Variants in ALG5 observed in about 807,000 individuals in gnomAD.
The protein encoded by ALG5 is ALG5 dolichyl-phosphate beta-glucosyltransferase.
A neutral mutation model predicts 51.8 loss-of-function variants in ALG5; 26 were observed. The ratio of observed to expected loss-of-function variants is 0.50; its 90% CI spans 0.37 to 0.70. The LOEUF (loss-of-function observed/expected upper bound fraction) is 0.70. Among genes scored for constraint, ALG5 ranks in the 30% least tolerant of loss-of-function variants. ALG5 has a pLI of 0.00. For synonymous variants in ALG5, 141 were observed against 136.1 expected (o/e 1.04, Z -0.25); for missense variants, 311 against 399.3 (o/e 0.78, Z 1.88).
chr13:36,979,599 C>G (rs559686059), intron 6 of ALG5, among the ~76,000 whole-genome samples: 12 of 152,306 alleles, frequency 7.9e-5, no homozygotes, highest in Non-Finnish European at 1.5e-4. Context: ...TAGTAAGCAA[C>G]CCAGCACTCC....
chr13:36,963,977 T>C (rs2058880323), intron 8 of ALG5, among the ~76,000 whole-genome samples: 1 of 152,160 alleles, frequency 6.6e-6, no homozygotes, highest in Admixed American at 6.5e-5. Context: ...ATAAGTAAAA[T>C]TAAATGTGAC....
chr13:36,953,634 A>G (rs1334540295), intron 8 of ALG5, among the ~76,000 whole-genome samples: 1 of 152,210 alleles, frequency 6.6e-6, no homozygotes, highest in African/African-American at 2.4e-5. Context: ...AATACAGACA[A>G]GAAAATGCCT....
intron 3 of ALG5, among the ~76,000 whole-genome samples, chr13:36,994,092 A>C (rs1321769987): frequency 6.6e-6 from 1 of 152,136 alleles, no homozygotes; most frequent in African/African-American, 2.4e-5. Context: ...TTTTGGGCCT[A>C]TTTTCTGATT....
intron 8 of ALG5, among the ~76,000 whole-genome samples, chr13:36,958,861 G>A (rs993853738): frequency 2.0e-5 from 3 of 152,166 alleles, no homozygotes; most frequent in African/African-American, 2.4e-5. Context: ...GAGAGCACAG[G>A]GGGAGGGACA....
chr13:36,952,160 T>TA (rs1007838575), intron 9 of ALG5, among the ~76,000 whole-genome samples: 4 of 152,042 alleles, frequency 2.6e-5, no homozygotes, highest in Admixed American at 6.6e-5. Flanking sequence ...CACCTAGTGA[T>TA]AAAAAAAATA....
chr13:36,956,644 G>T (rs1415150260), intron 8 of ALG5, among the ~76,000 whole-genome samples: 1 of 152,148 alleles, frequency 6.6e-6, no homozygotes, highest in East Asian at 1.9e-4. Flanking sequence ...ATATTATTCA[G>T]CCTTGGGCAA....
intron 7 of ALG5, among the ~76,000 whole-genome samples, chr13:36,967,222 CAAA>C (rs1370057490): frequency 4.7e-5 from 3 of 64,174 alleles, no homozygotes; most frequent in Admixed American, 1.8e-4. Context: ...GACTCCAACT[CAAA>C]AAAAAAAAAA....
chr13:36,962,139 T>G (rs1326328586), intron 8 of ALG5, among the ~76,000 whole-genome samples: 3 of 152,166 alleles, frequency 2.0e-5, no homozygotes, highest in African/African-American at 7.2e-5. Context: ...TTCTAGTACC[T>G]AGAAACTCTA....
At chr13:36,950,097 A>T in intron 9 of ALG5, 40 bp from the exon 10 acceptor site, 1 of 1,293,400 alleles carries the variant, frequency 7.7e-7, no homozygotes, top group Non-Finnish European at 1.1e-6. Context: ...TAGCTTAAAT[A>T]AACTCAGCAG....
intron 8 of ALG5, among the ~76,000 whole-genome samples, chr13:36,964,793 C>T (rs1441461079): frequency 1.3e-5 from 2 of 151,980 alleles, no homozygotes; most frequent in African/African-American, 2.4e-5. Flanking sequence ...GGTGTGGTAG[C>T]GCCCACCTGT....
intron 9 of ALG5, 101 bp downstream of exon 9, chr13:36,952,413 G>T: frequency 5.2e-6 from 4 of 765,178 alleles, no homozygotes; most frequent in Non-Finnish European, 8.6e-6. Context: ...AGCTGAGAAG[G>T]GCTTGATGAG....
chr13:36,953,902 T>A (rs1280819612), intron 8 of ALG5, among the ~76,000 whole-genome samples: 1 of 152,142 alleles, frequency 6.6e-6, no homozygotes, highest in Non-Finnish European at 1.5e-5. Context: ...AAAAACAAAA[T>A]ATTAGCTAGT....
At chr13:36,998,578 C>G (rs2059063139) in intron 1 of ALG5, among the ~76,000 whole-genome samples, 1 of 152,310 alleles carries the variant, frequency 6.6e-6, no homozygotes, top group East Asian at 1.9e-4. Context: ...AGAGCAAGGG[C>G]AAAGACAATC....
intron 7 of ALG5, among the ~76,000 whole-genome samples, chr13:36,968,719 T>G (rs1456434551): frequency 6.6e-6 from 1 of 152,254 alleles, no homozygotes; most frequent in Non-Finnish European, 1.5e-5. Context: ...TTAGTTCTTT[T>G]ATAATTTTCT....
intron 7 of ALG5, among the ~76,000 whole-genome samples, chr13:36,967,466 T>C (rs1021519606): frequency 6.6e-6 from 1 of 152,120 alleles, no homozygotes; most frequent in African/African-American, 2.4e-5. Context: ...AGGAACTCAA[T>C]AATGTTCTTC....
intron 8 of ALG5, among the ~76,000 whole-genome samples, chr13:36,962,837 T>C (rs2058874168): frequency 6.6e-6 from 1 of 152,206 alleles, no homozygotes. Context: ...GCTGTAAATT[T>C]GAATATATAG....
chr13:36,994,037 T>G (rs1250108269), intron 3 of ALG5, among the ~76,000 whole-genome samples: 1 of 152,202 alleles, frequency 6.6e-6, no homozygotes, highest in Non-Finnish European at 1.5e-5. Flanking sequence ...AGATTCCAGC[T>G]TGGCTGCAGC....
At chr13:36,995,894 A>G (rs2138832560) in intron 1 of ALG5, among the ~76,000 whole-genome samples, 1 of 152,326 alleles carries the variant, frequency 6.6e-6, no homozygotes, top group Admixed American at 6.5e-5. Context: ...AAGGTCAGTC[A>G]CTACAGGAAG....
intron 8 of ALG5, among the ~76,000 whole-genome samples, chr13:36,955,197 A>T (rs2138779245): frequency 6.6e-6 from 1 of 152,316 alleles, no homozygotes; most frequent in Non-Finnish European, 1.5e-5. Context: ...CATGAAAATG[A>T]CCTGTCCAAA....
Sources: gnomAD v4.1 joint callset for allele counts (sites outside exome capture counted in the v4.1 genomes callset) on GRCh38, gnomAD v4.1.1 for gene constraint, MANE v1.5 for transcripts, NCBI Gene and HGNC (gene_info 2026-07-23, HGNC 2026-07-21) for gene names.